The following CASD1 variants were observed in gnomAD, a reference collection of about 807,000 sequenced individuals.
CASD1 encodes the protein N-acetylneuraminate (7)9-O-acetyltransferase.
CASD1 carries 41 observed loss-of-function variants against 100.0 expected under a neutral mutation model. The ratio of observed to expected loss-of-function variants is 0.41; its 90% CI spans 0.32 to 0.53. The LOEUF is 0.53. CASD1 is among the 20% of genes least tolerant of loss of function. The pLI is 0.25. For synonymous variants in CASD1, 321 were observed against 315.6 expected, an observed-to-expected ratio of 1.02 and a Z score of -0.18; for missense variants, 774 against 948.7, an observed-to-expected ratio of 0.82 and a Z score of 2.42.
chr7:94,604,847 AT>A, the CASD1 span, among the ~76,000 whole-genome samples: 18 of 80,916 alleles, frequency 2.2e-4, no homozygotes, highest in East Asian at 2.1e-3. Context: ...ATATATATAT[AT>A]ATATATATAT....
chr7:94,586,081 A>T, the CASD1 span, among the ~76,000 whole-genome samples: 11 of 150,568 alleles, frequency 7.3e-5, no homozygotes, highest in Non-Finnish European at 1.3e-4. Context: ...AAAAAAAAAA[A>T]AAAAAACAAC....
At chr7:94,548,460 A>G (rs535276802) in intron 13 of CASD1, among the ~76,000 whole-genome samples, 46 of 151,860 alleles carry the variant, frequency 3.0e-4, no homozygotes, top group African/African-American at 1.1e-3. Context: ...ATATACACAC[A>G]TATATATGAT....
the CASD1 span, among the ~76,000 whole-genome samples, chr7:94,610,260 G>A: frequency 3.9e-5 from 6 of 152,168 alleles, no homozygotes; most frequent in Non-Finnish European, 7.4e-5. Context: ...AAACTACTCT[G>A]TATGATACTA....
chr7:94,519,353 T>G (rs1435279657), intron 3 of CASD1, among the ~76,000 whole-genome samples: 3 of 152,016 alleles, frequency 2.0e-5, no homozygotes, highest in Non-Finnish European at 4.4e-5. Context: ...CACAAGAAAG[T>G]TTAGAATTGT....
chr7:94,527,306 G>T, intron 4 of CASD1, 100 bp downstream of exon 4: 2 of 875,568 alleles, frequency 2.3e-6, no homozygotes, highest in African/African-American at 1.7e-5. Flanking sequence ...CTTGAGAGTA[G>T]ATAAGAATAT....
chr7:94,600,978 A>C, the CASD1 span: 1 of 812,094 alleles, frequency 1.2e-6, no homozygotes. Context: ...TTTTCCAATT[A>C]CTTTATCACC....
chr7:94,610,163 T>C, the CASD1 span, among the ~76,000 whole-genome samples: 1 of 152,136 alleles, frequency 6.6e-6, no homozygotes, highest in Non-Finnish European at 1.5e-5. Flanking sequence ...AAAACCACTA[T>C]GGAGACAGTA....
At chr7:94,584,328 G>C in the CASD1 span, among the ~76,000 whole-genome samples, 2 of 152,036 alleles carry the variant, frequency 1.3e-5, no homozygotes, top group African/African-American at 4.8e-5. Context: ...ATTCCTCCTA[G>C]GCCATGACAC....
At chr7:94,571,855 C>T in the CASD1 span, among the ~76,000 whole-genome samples, 1 of 135,420 alleles carries the variant, frequency 7.4e-6, no homozygotes, top group African/African-American at 3.2e-5. Flanking sequence ...ACTGTACAAC[C>T]TTTTACTAAA....
the CASD1 span, among the ~76,000 whole-genome samples, chr7:94,605,642 C>G: frequency 6.6e-6 from 1 of 151,708 alleles, no homozygotes; most frequent in African/African-American, 2.4e-5. Flanking sequence ...ATTACAAACT[C>G]TAAGACAATC....
chr7:94,550,699 A>G (rs1012678346), intron 14 of CASD1, among the ~76,000 whole-genome samples: 2 of 151,946 alleles, frequency 1.3e-5, no homozygotes, highest in African/African-American at 4.8e-5. Context: ...TTTAAAGGGC[A>G]TGAATCCCAT....
the CASD1 span, chr7:94,597,543 C>CT: frequency 6.6e-6 from 1 of 150,578 alleles, no homozygotes; most frequent in Non-Finnish European, 1.5e-5. Context: ...GTGTATGTGT[C>CT]TGTGTGTATG....
the CASD1 span, chr7:94,599,833 A>G: frequency 1.2e-6 from 1 of 841,954 alleles, no homozygotes; most frequent in South Asian, 1.4e-5. Flanking sequence ...CATTGTCACT[A>G]TTAAATGCAA....
the CASD1 span, among the ~76,000 whole-genome samples, chr7:94,576,637 A>C: frequency 6.6e-6 from 1 of 152,126 alleles, no homozygotes; most frequent in African/African-American, 2.4e-5. Context: ...CCCCCAACAA[A>C]AACTCTTGAT....
the CASD1 span, chr7:94,588,472 T>C: frequency 7.3e-7 from 1 of 1,368,478 alleles, no homozygotes; most frequent in African/African-American, 1.5e-5. Context: ...ATGGATGCTT[T>C]TGCTCTAAGA....
chr7:94,535,541 A>T lies in CASD1; in HGVS notation c.843+18A>T, dbSNP rs1029932822. 2 of 1,505,030 alleles carry T rather than the reference A, an allele frequency of 1.3e-6. No homozygotes were observed. The highest frequency in any genetic ancestry group is 1.8e-6 in the Non-Finnish European group (2 of 1,081,624). The allele number at this position is 1,505,030 out of a possible 1,614,324, so 93.2% of individuals were successfully genotyped here. A position where few individuals can be genotyped will look rare whatever the true frequency, so the allele number is the denominator to read the frequency against. ...GAGAAACTGTGAGAAATTTTTACAT[A>T]TGTCAGTAGATGGAGACTATAATAT... On this transcript the variant is annotated intron_variant, in intron 8 of 17. Coordinates refer to ENST00000297273, the MANE Select transcript of CASD1 (RefSeq NM_022900.5).
chr7:94,606,646 G>GACT, the CASD1 span, among the ~76,000 whole-genome samples: 3 of 152,128 alleles, frequency 2.0e-5, no homozygotes, highest in Non-Finnish European at 2.9e-5. Flanking sequence ...GACACTTAGA[G>GACT]ACTACTTCAT....
At chr7:94,579,492 G>A in the CASD1 span, among the ~76,000 whole-genome samples, 1 of 152,108 alleles carries the variant, frequency 6.6e-6, no homozygotes, top group Non-Finnish European at 1.5e-5. Context: ...AAAAATGTAA[G>A]ATTTATTAAG....
In CASD1 at chr7:94,545,715, CT is replaced by C; in HGVS notation, c.1633+16del. Reference sequence around the variant, plus strand: ...AAAAAGCAAACGGTAAATATACTTTCTTACTAATGTTAGTAAATATATTTTT... The same window carrying C: ...AAAAAGCAAACGGTAAATATACTTTCTACTAATGTTAGTAAATATATTTTT... On this transcript the variant is annotated intron_variant, in intron 12 of 17. Transcript: ENST00000297273. 6.6e-7 allele frequency: 1 copy of C among 1,521,890 alleles called. No homozygotes were observed. Among genetic ancestry groups the C allele is most frequent in the Non-Finnish European group, 8.9e-7 (1 of 1,117,912 alleles). 94.3% of individuals were successfully genotyped at this position (1,521,890 alleles called of 1,614,324 possible).
Sources: allele counts gnomAD v4.1 joint callset (sites outside exome capture counted in the v4.1 genomes callset), GRCh38; gene constraint gnomAD v4.1.1; transcripts MANE v1.5; gene names NCBI Gene and HGNC (gene_info 2026-07-23, HGNC 2026-07-21).